Variants in CNTNAP3 observed in about 807,000 individuals in gnomAD.
The protein encoded by CNTNAP3 is contactin-associated protein-like 3.
CNTNAP3 carries 36 observed loss-of-function variants against 92.1 expected under a neutral mutation model. The observed-to-expected ratio is 0.39, with a 90% CI of 0.30 to 0.52. The LOEUF is 0.52. Ranked by LOEUF, CNTNAP3 falls within the 20% of genes least tolerant of loss-of-function variation. The probability of loss-of-function intolerance (pLI) is 0.76; values close to 1 mark genes in which losing one functional copy is unlikely to be tolerated. For missense variants in CNTNAP3, 534 were observed against 1,069.6 expected (o/e 0.50, Z 6.98); for synonymous variants, 232 against 422.3 (o/e 0.55, Z 5.53).
In CNTNAP3 at chr9:39,069,397, T is replaced by G. The variant is rs2118334972; in HGVS notation, c.*4493A>C. 6.6e-6 allele frequency among the ~76,000 whole-genome samples: 1 copy of G among 152,424 alleles called. No homozygotes were observed. Among genetic ancestry groups the G allele is most frequent in the East Asian group, 1.9e-4 (1 of 5,194 alleles). On this transcript the variant is annotated 3_prime_UTR_variant, in exon 24 of 24. Transcript: ENST00000297668. ...GTTCTATTTTAAGGGCTTTCTTAAA[T>G]TTTTAGGTACCATCACAAGCTAGCT...
intron 21 of CNTNAP3, among the ~76,000 whole-genome samples, chr9:39,080,764 C>T (rs1333004009): frequency 7.4e-6 from 1 of 135,250 alleles, no homozygotes; most frequent in Non-Finnish European, 1.6e-5. Context: ...CAGGTACAAG[C>T]GATTCTCCTG....
In CNTNAP3 at chr9:39,073,761, C is replaced by G; in HGVS notation, c.*129G>C. 2 of 1,588,854 alleles carry G rather than the reference C, an allele frequency of 1.3e-6. No individual in the cohort carries two copies. ...AGCACTGCACCTGCTTGTGTGCACC[C>G]TGATGGCAACAGCAGGGAAGTCCAC... On this transcript the variant is annotated 3_prime_UTR_variant, in exon 24 of 24. Coordinates refer to ENST00000297668, the MANE Select transcript of CNTNAP3 (RefSeq NM_033655.5).
Position 39,132,972 on chromosome 9 carries a change from C to A in CNTNAP3, c.2040G>T (p.Leu680=). 1 of 1,547,126 alleles carries A rather than the reference C, an allele frequency of 6.5e-7. No homozygotes were observed. Among genetic ancestry groups the A allele is most frequent in the Non-Finnish European group, 8.6e-7 (1 of 1,156,108 alleles). The change falls in exon 13 of 24, where the codon CTG becomes CTT. Residue 680 remains leucine, a synonymous_variant. Coordinates refer to ENST00000297668, the MANE Select transcript of CNTNAP3 (RefSeq NM_033655.5). The part of the protein sequence containing the change: ...VNLAERCEQR[L]ALRCGTARRP... ...GCCGCGCCGTCCCGCAGCGCAGAGC[C>A]AGCCGCTGCTCGCAGCGCTCCGCCA...
chr9:39,142,814 A>T (rs1821609173), intron 11 of CNTNAP3, among the ~76,000 whole-genome samples: 1 of 152,112 alleles, frequency 6.6e-6, no homozygotes, highest in Admixed American at 6.6e-5. Flanking sequence ...GAACCTCAGG[A>T]CTGGGAGCGC....
intron 21 of CNTNAP3, among the ~76,000 whole-genome samples, chr9:39,082,202 G>A (rs895549298): frequency 2.0e-4 from 30 of 151,740 alleles, no homozygotes; most frequent in Non-Finnish European, 3.7e-4. Context: ...TCTCAAGTGA[G>A]TCTGGGGACT....
Position 39,069,581 on chromosome 9 carries a change from A to G in CNTNAP3, c.*4309T>C, listed in dbSNP as rs1825594149. On this transcript the variant is annotated 3_prime_UTR_variant, in exon 24 of 24. Coordinates refer to ENST00000297668, the MANE Select transcript of CNTNAP3 (RefSeq NM_033655.5). ...TAATTTTAGGTCATAACCTATAGGCAATAAACTATGTTATCATTTTGTAAA... is the reference window on the plus strand; with the variant it reads ...TAATTTTAGGTCATAACCTATAGGCGATAAACTATGTTATCATTTTGTAAA... 6.6e-6 allele frequency among the ~76,000 whole-genome samples: 1 copy of G among 152,140 alleles called. No homozygotes were observed. Among genetic ancestry groups the G allele is most frequent in the African/African-American group, 2.4e-5 (1 of 41,474 alleles).
intron 13 of CNTNAP3, among the ~76,000 whole-genome samples, chr9:39,122,990 A>G (rs909099176): frequency 1.3e-5 from 2 of 152,158 alleles, no homozygotes; most frequent in African/African-American, 4.8e-5. Context: ...TGCTGAGGAA[A>G]GAATCAGTGA....
In CNTNAP3 at chr9:39,078,800, G is replaced by T; in HGVS notation, c.3563C>A (p.Pro1188His). The T allele has an allele frequency of 6.5e-7, 1 of 1,528,158 alleles. No individual in the cohort carries two copies. Among genetic ancestry groups the T allele is most frequent in the Non-Finnish European group, 8.7e-7 (1 of 1,143,840 alleles). 94.7% of individuals were successfully genotyped at this position (1,528,158 alleles called of 1,614,324 possible). The change falls in exon 22 of 24, where the codon CCC (proline) becomes CAC (histidine). Residue 1188 changes from proline to histidine, a missense_variant. Physicochemically the swap from Pro to His is moderately conservative, Grantham distance 77 (BLOSUM62 -2). Transcript: ENST00000297668. ...GTGGCCGCGGACGGTGACCCGGGAGGGGCCGCTGGGGCGCAGCGCCGCCTT... is the reference window on the plus strand; with the variant it reads ...GTGGCCGCGGACGGTGACCCGGGAGTGGCCGCTGGGGCGCAGCGCCGCCTT... Reference protein sequence around the residue: ...PLKAALRPSGPSRVTVRGHVA... With the variant: ...PLKAALRPSGHSRVTVRGHVA...
intron 13 of CNTNAP3, among the ~76,000 whole-genome samples, chr9:39,122,817 T>A (rs1357232794): frequency 6.6e-6 from 1 of 152,140 alleles, no homozygotes; most frequent in East Asian, 1.9e-4. Context: ...ATAATCAGTA[T>A]GCTAAGGGCT....
At chr9:39,110,541 T>C (rs1272610221) in intron 14 of CNTNAP3, among the ~76,000 whole-genome samples, 3 of 151,948 alleles carry the variant, frequency 2.0e-5, no homozygotes, top group East Asian at 1.9e-4. Flanking sequence ...TTGAATACCA[T>C]GAGTATTAAT....
At chr9:39,095,019 T>G (rs1168635031) in intron 18 of CNTNAP3, among the ~76,000 whole-genome samples, 2 of 148,562 alleles carry the variant, frequency 1.3e-5, no homozygotes, top group Non-Finnish European at 3.0e-5. Context: ...TTCAACAACG[T>G]TTTATAGTTT....
At chr9:39,131,292 A>G (rs376291573) in intron 13 of CNTNAP3, among the ~76,000 whole-genome samples, 15,894 of 151,808 alleles carry the variant, frequency 0.1, 1,004 homozygotes, top group African/African-American at 0.18. Flanking sequence ...CATGAGATCA[A>G]TACTACAGGG....
intron 15 of CNTNAP3, chr9:39,106,730 G>A (rs113423493): frequency 6.6e-6 from 1 of 152,128 alleles, no homozygotes; most frequent in African/African-American, 2.4e-5. Flanking sequence ...TCTAGAAAAT[G>A]TTTTTGAGAA....
intron 14 of CNTNAP3, among the ~76,000 whole-genome samples, chr9:39,111,826 A>G (rs991006997): frequency 3.9e-5 from 6 of 152,114 alleles, no homozygotes; most frequent in African/African-American, 1.2e-4. Flanking sequence ...TTTCAGTTTA[A>G]TTAGGGCAGA....
Position 39,288,119 on chromosome 9 carries a change from C to T in CNTNAP3, c.-55G>A. 2 of 481,490 alleles carry T rather than the reference C, an allele frequency of 4.2e-6. 1 individual carries two copies. The highest frequency in any genetic ancestry group is 6.6e-5 in the South Asian group (2 of 30,352). 29.8% of individuals were successfully genotyped at this position (481,490 alleles called of 1,614,324 possible). On this transcript the variant is annotated 5_prime_UTR_variant, in exon 1 of 24. Transcript: ENST00000297668. ...GGGCACGGCGACGGCCGCTCTGCGT[C>T]GCTCCTGCTCTCACTCCCGTCCCCT...
rs538964166 is a variant in CNTNAP3 at position 39,148,351 on chromosome 9, T to C, written c.1649+1455A>G. Among the ~76,000 whole-genome samples the C allele has an allele frequency of 3.3e-5, 5 of 152,330 alleles. No individual in the cohort carries two copies. In the East Asian group the frequency reaches 9.6e-4, roughly 29 times the overall value. ...ATAAATACAGTCCATATGAATGAAC[T>C]TTTCATTTAGTAGTAATTACGTTTT... On this transcript the variant is annotated intron_variant, in intron 10 of 23. Coordinates refer to ENST00000297668, the MANE Select transcript of CNTNAP3 (RefSeq NM_033655.5).
intron 21 of CNTNAP3, among the ~76,000 whole-genome samples, chr9:39,082,219 T>C (rs1020460937): frequency 6.6e-6 from 1 of 151,980 alleles, no homozygotes; most frequent in African/African-American, 2.4e-5. Flanking sequence ...GACTACCACA[T>C]AGGACAGCAC....
Position 39,070,981 on chromosome 9 carries a change from T to C in CNTNAP3, c.*2909A>G, listed in dbSNP as rs1053615674. Among the ~76,000 whole-genome samples the C allele has an allele frequency of 1.6e-4, 24 of 152,362 alleles. No homozygotes were observed. The highest frequency in any genetic ancestry group is 5.5e-4 in the African/African-American group (23 of 41,592). ...GCAGGAAGGTGGGCTTCTCTATGGA[T>C]TGAAGTTAAGAGAGAGAAGTGCCAG... On this transcript the variant is annotated 3_prime_UTR_variant, in exon 24 of 24. Transcript: ENST00000297668.
chr9:39,130,650 A>G (rs1453506836), intron 13 of CNTNAP3, among the ~76,000 whole-genome samples: 1 of 151,982 alleles, frequency 6.6e-6, no homozygotes, highest in Non-Finnish European at 1.5e-5. Context: ...GACTACAGGC[A>G]CCTGCCACCA....
Sources: gnomAD v4.1 joint callset for allele counts (sites outside exome capture counted in the v4.1 genomes callset) on GRCh38, gnomAD v4.1.1 for gene constraint, MANE v1.5 for transcripts, NCBI Gene and HGNC (gene_info 2026-07-23, HGNC 2026-07-21) for gene names.